Variants in NXPE2 observed in about 807,000 individuals in gnomAD.
NXPE2 encodes the protein neurexophilin and PC-esterase domain family member 2.
Under a neutral mutation model 34.4 loss-of-function variants are expected in NXPE2, and 34 were observed. The ratio of observed to expected loss-of-function variants is 0.99; its 90% CI spans 0.75 to 1.31. The LOEUF is 1.31. Ranked by LOEUF, NXPE2 falls within the 40% of genes most tolerant of loss-of-function variation. The probability of loss-of-function intolerance (pLI) is 0.00; values close to 1 mark genes in which losing one functional copy is unlikely to be tolerated. For missense variants in NXPE2, 649 were observed against 672.5 expected (o/e 0.97, Z 0.39); for synonymous variants, 235 against 231.3 (o/e 1.02, Z -0.15).
chr11:114,737,499 T>A, the NXPE2 span, among the ~76,000 whole-genome samples: 721 of 152,290 alleles, frequency 4.7e-3, 4 homozygotes, highest in African/African-American at 0.016. Flanking sequence ...GCAACACTTC[T>A]TGAGTACTTA....
chr11:114,632,395 A>G, the NXPE2 span, among the ~76,000 whole-genome samples: 1 of 133,434 alleles, frequency 7.5e-6, no homozygotes, highest in East Asian at 2.0e-4. Context: ...ATATAAATAT[A>G]AATATACATA....
the NXPE2 span, among the ~76,000 whole-genome samples, chr11:114,520,990 A>C: frequency 8.3e-4 from 127 of 152,322 alleles, no homozygotes; most frequent in African/African-American, 2.9e-3. Flanking sequence ...GTAAAGTTCC[A>C]ATCAAACCTT....
At chr11:114,738,691 C>T in the NXPE2 span, among the ~76,000 whole-genome samples, 1 of 152,148 alleles carries the variant, frequency 6.6e-6, no homozygotes, top group Non-Finnish European at 1.5e-5. Context: ...CCCATTCCTC[C>T]ATGTCAGTGA....
chr11:114,763,792 A>G, the NXPE2 span, among the ~76,000 whole-genome samples: 1 of 152,236 alleles, frequency 6.6e-6, no homozygotes, highest in African/African-American at 2.4e-5. Flanking sequence ...TTAATTTCAC[A>G]TTGATTTAAT....
the NXPE2 span, among the ~76,000 whole-genome samples, chr11:114,729,837 C>A: frequency 3.9e-5 from 6 of 152,230 alleles, no homozygotes; most frequent in African/African-American, 1.4e-4. Flanking sequence ...AAAATATTTT[C>A]TACCATTCTG....
At chr11:114,582,832 T>C in the NXPE2 span, 1 of 1,614,160 alleles carries the variant, frequency 6.2e-7, no homozygotes, top group Non-Finnish European at 8.5e-7. Context: ...TGTGTGGCGC[T>C]GGTGGTGGTG....
At chr11:114,600,636 G>C in the NXPE2 span, among the ~76,000 whole-genome samples, 2 of 152,032 alleles carry the variant, frequency 1.3e-5, no homozygotes, top group South Asian at 2.1e-4. Context: ...AAGGAGACAT[G>C]ATGACTAAAT....
At chr11:114,791,622 T>A in the NXPE2 span, among the ~76,000 whole-genome samples, 1 of 152,082 alleles carries the variant, frequency 6.6e-6, no homozygotes, top group Non-Finnish European at 1.5e-5. Context: ...CCAAAGCTAG[T>A]ATGAATGAAA....
the NXPE2 span, among the ~76,000 whole-genome samples, chr11:114,665,749 G>A: frequency 1.3e-5 from 2 of 152,096 alleles, no homozygotes; most frequent in Non-Finnish European, 2.9e-5. Flanking sequence ...CAGAATCCAG[G>A]GACTTGGAGA....
the NXPE2 span, among the ~76,000 whole-genome samples, chr11:114,569,560 C>A: frequency 1.3e-5 from 2 of 152,162 alleles, no homozygotes; most frequent in African/African-American, 2.4e-5. Context: ...CCTCTCCTGA[C>A]TCCTGCCCCT....
the NXPE2 span, chr11:114,551,386 T>C: frequency 1.5e-6 from 2 of 1,374,128 alleles, no homozygotes; most frequent in Non-Finnish European, 1.9e-6. Flanking sequence ...TGTCTACCTA[T>C]TGGATACTTC....
At chr11:114,636,668 G>C in the NXPE2 span, among the ~76,000 whole-genome samples, 1,336 of 152,030 alleles carry the variant, frequency 8.8e-3, 23 homozygotes, top group African/African-American at 0.031. Flanking sequence ...TTGTGTCTTT[G>C]TTCTCATTGA....
intron 5 of NXPE2, 100 bp from the exon 6 acceptor site, chr11:114,706,295 T>A: frequency 2.0e-6 from 2 of 1,024,540 alleles, no homozygotes; most frequent in Non-Finnish European, 2.8e-6. Flanking sequence ...TAGTGCTTAG[T>A]TAGAAGTGAT....
the NXPE2 span, among the ~76,000 whole-genome samples, chr11:114,621,517 G>A: frequency 4.6e-5 from 7 of 151,812 alleles, no homozygotes; most frequent in East Asian, 1.9e-4. Context: ...GTATTGCCTC[G>A]TGTGTAACCA....
chr11:114,686,188 A>T (rs907127378), intron 2 of NXPE2, among the ~76,000 whole-genome samples: 1 of 151,942 alleles, frequency 6.6e-6, no homozygotes, highest in Admixed American at 6.6e-5. Flanking sequence ...TTGCATGATG[A>T]TGTGGTTTGG....
At chr11:114,513,170 T>C in the NXPE2 span, 1 of 554,234 alleles carries the variant, frequency 1.8e-6, no homozygotes, top group East Asian at 4.8e-5. Context: ...TTGCTTCCTA[T>C]GTCCCAAGTG....
the NXPE2 span, among the ~76,000 whole-genome samples, chr11:114,593,734 G>T: frequency 2.0e-5 from 3 of 152,094 alleles, no homozygotes; most frequent in East Asian, 5.8e-4. Flanking sequence ...CATGTTTATT[G>T]CAGCACTGAT....
At chr11:114,633,410 T>G in the NXPE2 span, among the ~76,000 whole-genome samples, 3 of 145,534 alleles carry the variant, frequency 2.1e-5, no homozygotes, top group African/African-American at 7.5e-5. Context: ...TTATATTTTA[T>G]TATATGTTAT....
the NXPE2 span, among the ~76,000 whole-genome samples, chr11:114,513,606 A>C: frequency 6.6e-6 from 1 of 152,236 alleles, no homozygotes; most frequent in Non-Finnish European, 1.5e-5. Context: ...TAAAATGCTG[A>C]AAGTTTTGAG....
Sources: gnomAD v4.1 joint callset for allele counts (sites outside exome capture counted in the v4.1 genomes callset) on GRCh38, gnomAD v4.1.1 for gene constraint, MANE v1.5 for transcripts, NCBI Gene and HGNC (gene_info 2026-07-23, HGNC 2026-07-21) for gene names.